Variants in XKR9 observed in about 807,000 individuals in gnomAD.
XKR9 encodes XK-related protein 9.
XKR9 carries 32 observed loss-of-function variants against 32.0 expected under a neutral mutation model. That is an observed-to-expected ratio of 1.00 (90% CI 0.76 to 1.34). XKR9 has a LOEUF of 1.34. Among genes scored for constraint, XKR9 ranks in the 40% most tolerant of loss-of-function variants. The pLI is 0.00. For missense variants in XKR9, 546 were observed against 429.7 expected, an observed-to-expected ratio of 1.27 and a Z score of -2.39; for synonymous variants, 168 against 143.4, an observed-to-expected ratio of 1.17 and a Z score of -1.22.
chr8:70,998,166 G>C, the XKR9 span, among the ~76,000 whole-genome samples: 1 of 152,182 alleles, frequency 6.6e-6, no homozygotes, highest in African/African-American at 2.4e-5. Flanking sequence ...TTCTCAGTTA[G>C]TAATAACAAA....
At chr8:70,825,480 T>C in the XKR9 span, among the ~76,000 whole-genome samples, 12 of 152,244 alleles carry the variant, frequency 7.9e-5, no homozygotes, top group East Asian at 2.3e-3. Flanking sequence ...AATTCACTTA[T>C]TACTCATACA....
chr8:70,707,109 A>G lies in XKR9; in HGVS notation c.449A>G (p.Gln150Arg). ...YLEGCPQLIL[Q>R]LYILLEHGQA... The stretch of plus-strand genomic sequence containing the variant: ...GAAGGCTGCCCACAACTTATTCTTC[A>G]ACTCTACATTCTTCTGGAGCATGGA... The change falls in exon 4 of 5, where the codon CAA (glutamine) becomes CGA (arginine). Residue 150 changes from glutamine (Q) to arginine (R), a missense_variant. Gln to Arg is a conservative substitution (Grantham distance 43). Coordinates refer to ENST00000408926, the MANE Select transcript of XKR9 (RefSeq NM_001011720.2). The G allele has an allele frequency of 6.2e-7, 1 of 1,613,382 alleles. No homozygotes were observed. Among genetic ancestry groups the G allele is most frequent in the Non-Finnish European group, 8.5e-7 (1 of 1,179,432 alleles).
At chr8:70,863,466 T>C in the XKR9 span, among the ~76,000 whole-genome samples, 12 of 152,292 alleles carry the variant, frequency 7.9e-5, no homozygotes, top group East Asian at 1.7e-3. Flanking sequence ...TAATTCCCCA[T>C]TTAAACGTAG....
the XKR9 span, among the ~76,000 whole-genome samples, chr8:70,990,847 C>T: frequency 2.6e-5 from 4 of 152,014 alleles, no homozygotes; most frequent in African/African-American, 9.7e-5. Flanking sequence ...ATCATTTCAT[C>T]AGTTTGCTTT....
At chr8:71,010,263 G>T in the XKR9 span, among the ~76,000 whole-genome samples, 10 of 152,320 alleles carry the variant, frequency 6.6e-5, no homozygotes, top group African/African-American at 2.4e-4. Context: ...AAGGCCAAGG[G>T]AAGCTACTCC....
intron 2 of XKR9, among the ~76,000 whole-genome samples, chr8:70,786,846 T>A (rs1441847517): frequency 6.6e-6 from 1 of 152,168 alleles, no homozygotes; most frequent in East Asian, 1.9e-4. Flanking sequence ...ATTTGTTCTT[T>A]CCTCCTGTCT....
the XKR9 span, among the ~76,000 whole-genome samples, chr8:70,982,398 A>G: frequency 6.6e-6 from 1 of 152,278 alleles, no homozygotes; most frequent in African/African-American, 2.4e-5. Flanking sequence ...TTCACAGTCC[A>G]GTGGAGTTAT....
At chr8:70,935,491 C>T in the XKR9 span, among the ~76,000 whole-genome samples, 1 of 151,830 alleles carries the variant, frequency 6.6e-6, no homozygotes, top group Admixed American at 6.6e-5. Context: ...AATTTGTCCT[C>T]CCACAGTATA....
the XKR9 span, among the ~76,000 whole-genome samples, chr8:71,013,244 G>A: frequency 2.6e-5 from 4 of 152,234 alleles, no homozygotes; most frequent in African/African-American, 9.6e-5. Context: ...TATAGATGAA[G>A]GGTAGGGGCC....
At chr8:70,686,685 C>G (rs1207456339) in intron 3 of XKR9, among the ~76,000 whole-genome samples, 1 of 152,070 alleles carries the variant, frequency 6.6e-6, no homozygotes, top group Non-Finnish European at 1.5e-5. Context: ...CTCAAGTGAT[C>G]CGTCTCCTTC....
chr8:70,852,154 T>G, the XKR9 span, among the ~76,000 whole-genome samples: 465 of 152,342 alleles, frequency 3.1e-3, 1 homozygote, highest in African/African-American at 0.011. Context: ...AAAGAAGACA[T>G]TTATGTGGCC....
chr8:70,863,619 GA>G, the XKR9 span, among the ~76,000 whole-genome samples: 5 of 152,144 alleles, frequency 3.3e-5, no homozygotes, highest in Admixed American at 3.3e-4. Flanking sequence ...TATATGTGTT[GA>G]AAAAAATCAC....
the XKR9 span, among the ~76,000 whole-genome samples, chr8:70,895,773 C>T: frequency 2.4e-4 from 35 of 148,410 alleles, no homozygotes; most frequent in Middle Eastern, 3.4e-3. Context: ...TCACTTGAGC[C>T]CTGGAGTTTG....
At chr8:70,773,067 C>T (rs1385039077) in intron 2 of XKR9, among the ~76,000 whole-genome samples, 6 of 152,084 alleles carry the variant, frequency 3.9e-5, no homozygotes, top group East Asian at 3.8e-4. Context: ...ATTATATAAT[C>T]ATACTGTAGC....
chr8:70,732,846 A>G (rs1452731934), intron 4 of XKR9, among the ~76,000 whole-genome samples: 1 of 152,220 alleles, frequency 6.6e-6, no homozygotes, highest in African/African-American at 2.4e-5. Context: ...GGCCAGGTGC[A>G]GTGGCTCACG....
At chr8:70,875,026 G>A in the XKR9 span, among the ~76,000 whole-genome samples, 1 of 152,074 alleles carries the variant, frequency 6.6e-6, no homozygotes, top group African/African-American at 2.4e-5. Flanking sequence ...ATAAAGAAAG[G>A]GAAAAATCAG....
At chr8:71,005,239 TGAGA>T in the XKR9 span, among the ~76,000 whole-genome samples, 2 of 149,998 alleles carry the variant, frequency 1.3e-5, no homozygotes, top group Non-Finnish European at 1.5e-5. Context: ...TTTTTTTTTT[TGAGA>T]CTGAGTTTCG....
intron 4 of XKR9, among the ~76,000 whole-genome samples, chr8:70,710,472 G>A (rs895205963): frequency 4.6e-5 from 7 of 152,096 alleles, no homozygotes; most frequent in Admixed American, 1.3e-4. Context: ...AGGCTAAGGC[G>A]GGTAGATCAC....
At chr8:70,688,762 C>T (rs1819405526) in intron 3 of XKR9, among the ~76,000 whole-genome samples, 1 of 151,010 alleles carries the variant, frequency 6.6e-6, no homozygotes, top group African/African-American at 2.4e-5. Flanking sequence ...AAGCAATAGC[C>T]AGTATATGCA....
Sources: gnomAD v4.1 joint callset for allele counts (sites outside exome capture counted in the v4.1 genomes callset) on GRCh38, gnomAD v4.1.1 for gene constraint, MANE v1.5 for transcripts, NCBI Gene and HGNC (gene_info 2026-07-23, HGNC 2026-07-21) for gene names.